ZNF33B: variants seen among roughly 807,000 people sequenced by gnomAD.
ZNF33B encodes zinc finger protein 33B, also known as zinc finger protein 11b (KOX 2).
ZNF33B carries 29 observed loss-of-function variants against 45.8 expected under a neutral mutation model. The observed-to-expected ratio is 0.63, with a 90% CI of 0.47 to 0.86. The LOEUF (loss-of-function observed/expected upper bound fraction) is 0.86. Ranked by LOEUF, ZNF33B falls within the 40% of genes least tolerant of loss-of-function variation. The pLI is 0.00. For synonymous variants in ZNF33B, 305 were observed against 307.8 expected (o/e 0.99, Z 0.10); for missense variants, 831 against 909.9 (o/e 0.91, Z 1.12).
chr10:42,596,070 C>G (rs961188746), intron 4 of ZNF33B, among the ~76,000 whole-genome samples: 3 of 151,424 alleles, frequency 2.0e-5, no homozygotes, highest in Non-Finnish European at 4.4e-5. Context: ...TAAAGCTGGT[C>G]TACAATTAAA....
chr10:42,638,510 GC>G lies in ZNF33B; in HGVS notation c.-82del. 1 of 482,350 alleles carries G rather than the reference GC, an allele frequency of 2.1e-6. No homozygotes were observed. The highest frequency in any genetic ancestry group is 1.5e-5 in the South Asian group (1 of 67,360). 29.9% of individuals were successfully genotyped at this position (482,350 alleles called of 1,614,324 possible). Reference sequence around the variant, plus strand: ...TTCGGGTTGCATTCGCCATAAGAGAGCCGGTAGACCCCTGAAATCCCGGGAC... The same window carrying G: ...TTCGGGTTGCATTCGCCATAAGAGAGCGGTAGACCCCTGAAATCCCGGGAC... On this transcript the variant is annotated 5_prime_UTR_variant, in exon 1 of 5. Transcript: ENST00000359467.
downstream of ZNF33B, among the ~76,000 whole-genome samples, chr10:42,585,767 A>C (rs948135105): frequency 3.3e-5 from 5 of 152,142 alleles, no homozygotes; most frequent in African/African-American, 9.7e-5. Context: ...TTTTTGTTAT[A>C]AATAAATTTT....
chr10:42,636,417 G>C (rs993225378), intron 2 of ZNF33B, among the ~76,000 whole-genome samples: 47 of 152,312 alleles, frequency 3.1e-4, no homozygotes, highest in African/African-American at 1.1e-3. Flanking sequence ...GGAAACATAA[G>C]AAACACATGA....
intron 4 of ZNF33B, among the ~76,000 whole-genome samples, chr10:42,620,686 C>T (rs1046707359): frequency 6.6e-6 from 1 of 151,902 alleles, no homozygotes; most frequent in Non-Finnish European, 1.5e-5. Context: ...TGTCAACCAC[C>T]CAGCTTCAGA....
intron 2 of ZNF33B, among the ~76,000 whole-genome samples, chr10:42,635,655 C>T (rs190042149): frequency 3.3e-5 from 5 of 151,054 alleles, no homozygotes; most frequent in Admixed American, 3.3e-4. Flanking sequence ...ACTAAAAATA[C>T]AAAAATTAGC....
At chr10:42,615,633 A>T (rs1304084246) in intron 4 of ZNF33B, among the ~76,000 whole-genome samples, 1 of 152,100 alleles carries the variant, frequency 6.6e-6, no homozygotes, top group Admixed American at 6.6e-5. Flanking sequence ...TGTTCTAAGA[A>T]ACATTGTCGG....
chr10:42,597,850 A>G (rs1230011726), intron 4 of ZNF33B, among the ~76,000 whole-genome samples: 1 of 152,180 alleles, frequency 6.6e-6, no homozygotes, highest in African/African-American at 2.4e-5. Context: ...TTACATATAA[A>G]TTTATACAAT....
Position 42,593,484 on chromosome 10 carries a change from C to T in ZNF33B, c.1466G>A (p.Arg489Lys), listed in dbSNP as rs759502367. 1.4e-5 allele frequency: 23 copies of T among 1,614,066 alleles called. No homozygotes were observed. The highest frequency in any genetic ancestry group is 1.9e-5 in the Non-Finnish European group (22 of 1,179,988). The change falls in exon 5 of 5, where the codon AGA (arginine) becomes AAA (lysine). Residue 489 changes from arginine (R) to lysine (K), a missense_variant. Transcript: ENST00000359467. ...ATAAGGTTTATCTCCTATGTGAGTT[C>T]TCTGATGCTGTGTAAGATGTGACTT... ...CQKSHLTQHQ[R>K]THIGDKPYEC...
At chr10:42,628,685 T>C (rs950732511) in intron 4 of ZNF33B, among the ~76,000 whole-genome samples, 1 of 152,214 alleles carries the variant, frequency 6.6e-6, no homozygotes, top group African/African-American at 2.4e-5. Flanking sequence ...TCAACCTATG[T>C]TGTTCACTAT....
intron 4 of ZNF33B, among the ~76,000 whole-genome samples, chr10:42,625,712 A>AGTTC: frequency 6.6e-6 from 1 of 152,240 alleles, no homozygotes; most frequent in Non-Finnish European, 1.5e-5. Flanking sequence ...ACCTCAGGTG[A>AGTTC]TCCACTCGCC....
chr10:42,582,844 C>A (rs886670270), intron 1 of ZNF33B: 2 of 325,322 alleles, frequency 6.1e-6, no homozygotes, highest in Admixed American at 8.5e-5. Flanking sequence ...CAGGTGAGTC[C>A]CCAGCAGTGC....
At chr10:42,606,942 G>T (rs954513885) in intron 4 of ZNF33B, among the ~76,000 whole-genome samples, 2 of 152,060 alleles carry the variant, frequency 1.3e-5, no homozygotes, top group African/African-American at 4.8e-5. Flanking sequence ...TACTGGTTGA[G>T]CTTCCCAAAT....
intron 1 of ZNF33B, among the ~76,000 whole-genome samples, chr10:42,574,992 T>A (rs1331124549): frequency 1.3e-5 from 2 of 152,224 alleles, no homozygotes; most frequent in African/African-American, 4.8e-5. Flanking sequence ...GCCCACCTAA[T>A]ACCACCTCAA....
chr10:42,628,753 G>A (rs575081563), intron 4 of ZNF33B, among the ~76,000 whole-genome samples: 32 of 152,076 alleles, frequency 2.1e-4, no homozygotes, highest in Non-Finnish European at 4.3e-4. Flanking sequence ...AATAGAGAAC[G>A]CCACCGATCA....
At chr10:42,615,874 G>A (rs1211331350) in intron 4 of ZNF33B, among the ~76,000 whole-genome samples, 4 of 151,620 alleles carry the variant, frequency 2.6e-5, no homozygotes, top group Non-Finnish European at 5.9e-5. Context: ...GCAGTGAGCC[G>A]AGATCACGCC....
chr10:42,608,065 A>G (rs12269593), intron 4 of ZNF33B, among the ~76,000 whole-genome samples: 7,119 of 152,254 alleles, frequency 0.047, 523 homozygotes, highest in African/African-American at 0.16. Context: ...AATATCACAC[A>G]AAATACACTT....
intron 4 of ZNF33B, among the ~76,000 whole-genome samples, chr10:42,606,313 A>G (rs1332976489): frequency 6.6e-6 from 1 of 152,020 alleles, no homozygotes; most frequent in African/African-American, 2.4e-5. Flanking sequence ...AAAAACACAA[A>G]AATTAGCTGG....
rs755859783 is a variant in ZNF33B at position 42,594,653 on chromosome 10, T to C, written c.297A>G (p.Gln99=). 3.7e-5 allele frequency: 59 copies of C among 1,599,458 alleles called. No homozygotes were observed. Among genetic ancestry groups the C allele is most frequent in the Admixed American group, 1.9e-4 (11 of 57,136 alleles). Residue 99 remains glutamine, a synonymous_variant, in exon 5 of 5, where the codon CAA becomes CAG. Coordinates refer to ENST00000359467, the MANE Select transcript of ZNF33B (RefSeq NM_006955.3). ...ATACAACTTCCCACAAATGTTTAGA[T>C]TGATTTTCTTGGCTCCTCTCTTTCA... is the stretch of plus-strand genomic sequence containing the variant. The part of the protein sequence containing the change: ...DHLKERSQEN[Q]SKHLWEVVFI...
Position 42,592,822 on chromosome 10 carries a change from C to T in ZNF33B, c.2128G>A (p.Val710Ile). The T allele has an allele frequency of 6.2e-7, 1 of 1,614,048 alleles. No individual in the cohort carries two copies. The highest frequency in any genetic ancestry group is 8.5e-7 in the Non-Finnish European group (1 of 1,179,978). The part of the protein sequence containing the change: ...KSFSHKSSLT[V>I]HHRAHTGEKS... ...TCTCCTGTGTGAGCCCTGTGATGTA[C>T]TGTGAGTGATGATTTGTGACTGAAG... The change falls in exon 5 of 5, where the codon GTA becomes ATA. Residue 710 changes from valine (V) to isoleucine (I), a missense_variant. Transcript: ENST00000359467.
Sources: gnomAD v4.1 joint callset for allele counts (sites outside exome capture counted in the v4.1 genomes callset) on GRCh38, gnomAD v4.1.1 for gene constraint, MANE v1.5 for transcripts, NCBI Gene and HGNC (gene_info 2026-07-23, HGNC 2026-07-21) for gene names.